PTPRN2: variants seen among roughly 807,000 people sequenced by gnomAD.
PTPRN2 encodes the protein protein tyrosine phosphatase receptor type N2.
Under a neutral mutation model 118.8 loss-of-function variants are expected in PTPRN2, and 74 were observed. The ratio of observed to expected loss-of-function variants is 0.62; its 90% confidence interval spans 0.52 to 0.76. The LOEUF (loss-of-function observed/expected upper bound fraction) is 0.76, where lower values mean the gene tolerates loss of function less well. Ranked by LOEUF, PTPRN2 falls within the 30% of genes least tolerant of loss-of-function variation. The pLI is 0.00. For missense variants in PTPRN2, 1,481 were observed against 1,394.4 expected (o/e 1.06, Z -0.99); for synonymous variants, 641 against 608.0 (o/e 1.05, Z -0.80).
At chr7:158,308,658 T>C (rs960298000) in intron 3 of PTPRN2, among the ~76,000 whole-genome samples, 7 of 145,556 alleles carry the variant, frequency 4.8e-5, no homozygotes, top group Non-Finnish European at 9.0e-5. Context: ...ACTAGATTAT[T>C]ATAAAGATCT....
chr7:158,272,235 C>T (rs4909165), intron 3 of PTPRN2, among the ~76,000 whole-genome samples: 6,027 of 152,214 alleles, frequency 0.04, 166 homozygotes, highest in East Asian at 0.12. Flanking sequence ...CCCCCCGGGA[C>T]GTCTTGTCTT....
chr7:157,751,598 G>A (rs1563072114), intron 12 of PTPRN2, among the ~76,000 whole-genome samples: 2 of 152,028 alleles, frequency 1.3e-5, no homozygotes. Flanking sequence ...TAAGACACAC[G>A]AGATCATTGT....
chr7:157,860,521 TCTC>T (rs1277804614), intron 12 of PTPRN2, among the ~76,000 whole-genome samples: 2 of 152,244 alleles, frequency 1.3e-5, no homozygotes, highest in Non-Finnish European at 2.9e-5. Context: ...TCATCTTTGT[TCTC>T]CTATAGGAAC....
chr7:157,901,350 C>T (rs928123714), intron 11 of PTPRN2, among the ~76,000 whole-genome samples: 16 of 151,718 alleles, frequency 1.1e-4, no homozygotes, highest in Non-Finnish European at 2.2e-4. Context: ...TGCAGAGTCA[C>T]ACATGGGGAC....
chr7:158,194,997 G>A (rs1223612788), intron 4 of PTPRN2, among the ~76,000 whole-genome samples: 3 of 152,168 alleles, frequency 2.0e-5, no homozygotes, highest in Non-Finnish European at 2.9e-5. Flanking sequence ...TTCTTTAAAT[G>A]TGATTTAAGT....
chr7:158,441,017 C>CGTG (rs199869049), intron 2 of PTPRN2, among the ~76,000 whole-genome samples: 2 of 122,086 alleles, frequency 1.6e-5, no homozygotes, highest in African/African-American at 3.4e-5. Flanking sequence ...TGGTGGTAGT[C>CGTG]GTGGTGGTGG....
At position 157,977,020 on chromosome 7, in the gene PTPRN2, A is replaced by G. The variant is rs1802806954; in HGVS notation, c.1724-78283T>C. ...TCAAATTTCAGAGGTATATGTAATT[A>G]TGAAAAGCCATAAACACAGTAGTTT... On this transcript the variant is annotated intron_variant, in intron 11 of 22. Transcript: ENST00000389418. This position sits in a 1 kb window ranked among gnomAD's most constrained non-coding sequence, Gnocchi z 4.6. Among the ~76,000 whole-genome samples the G allele has an allele frequency of 6.6e-6, 1 of 152,036 alleles. No homozygotes were observed. Among genetic ancestry groups the G allele is most frequent in the African/African-American group, 2.4e-5 (1 of 41,444 alleles).
At chr7:157,878,166 T>C (rs923776604) in intron 12 of PTPRN2, among the ~76,000 whole-genome samples, 1 of 152,198 alleles carries the variant, frequency 6.6e-6, no homozygotes, top group Non-Finnish European at 1.5e-5. Context: ...AAAGATACCC[T>C]CTTGGTGGCC....
At chr7:158,177,649 CT>C (rs1011982475) in intron 5 of PTPRN2, among the ~76,000 whole-genome samples, 1 of 152,180 alleles carries the variant, frequency 6.6e-6, no homozygotes, top group African/African-American at 2.4e-5. Flanking sequence ...AATAGCTCCT[CT>C]TTTGTCTTTT....
chr7:158,387,117 C>T (rs567888215), intron 2 of PTPRN2, among the ~76,000 whole-genome samples: 181 of 152,302 alleles, frequency 1.2e-3, no homozygotes, highest in Non-Finnish European at 2.1e-3. Context: ...GAGGCCAAAC[C>T]GGGACCCAGA....
Position 157,950,032 on chromosome 7 carries a change from T to C in PTPRN2, c.1724-51295A>G, listed in dbSNP as rs1249011253. 2.6e-5 allele frequency among the ~76,000 whole-genome samples: 4 copies of C among 152,258 alleles called. No individual in the cohort carries two copies. The East Asian group carries it at 7.7e-4, about 29-fold the overall frequency. On this transcript the variant is annotated intron_variant, in intron 11 of 22. Transcript: ENST00000389418. ...ATCTTGGGTTGAGATGCTTTTTATTTAGCTTGTGCATCACCAACTTGTAAA... is the reference window on the plus strand; with the variant it reads ...ATCTTGGGTTGAGATGCTTTTTATTCAGCTTGTGCATCACCAACTTGTAAA...
Position 158,452,644 on chromosome 7 carries a change from T to C in PTPRN2, c.163+37091A>G, listed in dbSNP as rs543251992. ...AGGATTCCAGCGGACACCTCTGGGC[T>C]TGGGGGGCTCGATAAGACAGGTGGA... is the stretch of plus-strand genomic sequence containing the variant. On this transcript the variant is annotated intron_variant, in intron 2 of 22. Transcript: ENST00000389418. 4.2e-3 allele frequency among the ~76,000 whole-genome samples: 641 copies of C among 152,214 alleles called. 1 individual carries two copies. The highest frequency in any genetic ancestry group is 7.8e-3 in the Admixed American group (120 of 15,290).
chr7:157,796,365 T>C (rs570479875), intron 12 of PTPRN2, among the ~76,000 whole-genome samples: 5 of 152,310 alleles, frequency 3.3e-5, no homozygotes, highest in Non-Finnish European at 7.3e-5. Context: ...TGTGGGGCCT[T>C]GTGGGCTCTG....
intron 2 of PTPRN2, among the ~76,000 whole-genome samples, chr7:158,441,275 G>A (rs1278687563): frequency 1.1e-5 from 1 of 94,254 alleles, no homozygotes; most frequent in Admixed American, 1.1e-4. Flanking sequence ...TGATAGTGAT[G>A]GTGATGGTGG....
chr7:158,249,186 AAC>A (rs533016562), intron 3 of PTPRN2, among the ~76,000 whole-genome samples: 4 of 151,618 alleles, frequency 2.6e-5, no homozygotes, highest in East Asian at 2.0e-4. Flanking sequence ...CACACACACG[AAC>A]ACACATCACA....
chr7:158,399,655 CAAGAAAAGA>C (rs1423863508), intron 2 of PTPRN2, among the ~76,000 whole-genome samples: 1 of 149,808 alleles, frequency 6.7e-6, no homozygotes, highest in East Asian at 2.0e-4. Flanking sequence ...GATCCTGTCT[CAAGAAAAGA>C]AAGAAAAGAA....
At chr7:157,582,014 C>T (rs1220455336) in intron 17 of PTPRN2, among the ~76,000 whole-genome samples, 4 of 152,230 alleles carry the variant, frequency 2.6e-5, no homozygotes, top group East Asian at 3.8e-4. Context: ...CCACAGGCTT[C>T]GGAGAGCGTG....
chr7:157,850,433 C>T (rs964727116), intron 12 of PTPRN2, among the ~76,000 whole-genome samples: 6 of 148,360 alleles, frequency 4.0e-5, no homozygotes, highest in South Asian at 2.3e-4. Context: ...GAATTTCCGA[C>T]GTGGGGTGCC....
chr7:158,251,729 GGT>G (rs1796692574), intron 3 of PTPRN2, among the ~76,000 whole-genome samples: 1 of 151,956 alleles, frequency 6.6e-6, no homozygotes, highest in East Asian at 1.9e-4. Flanking sequence ...GTGCACGTGT[GGT>G]GTGCACAGGT....
Sources: gnomAD v4.1 joint callset for allele counts (sites outside exome capture counted in the v4.1 genomes callset) on GRCh38, gnomAD v4.1.1 for gene constraint, Gnocchi (gnomAD v3.1) non-coding constraint, MANE v1.5 for transcripts, NCBI Gene and HGNC (gene_info 2026-07-23, HGNC 2026-07-21) for gene names.